MYO3A: variants seen among roughly 807,000 people sequenced by gnomAD.
MYO3A encodes myosin IIIA, also known as myosin-IIIa.
Under a neutral mutation model 192.7 loss-of-function variants are expected in MYO3A, and 180 were observed. The ratio of observed to expected loss-of-function variants is 0.93; its 90% CI spans 0.83 to 1.06. The LOEUF is 1.06. MYO3A is among the 50% of genes least tolerant of loss of function. The pLI is 0.00. For synonymous variants in MYO3A, 628 were observed against 645.3 expected, an observed-to-expected ratio of 0.97 and a Z score of 0.41; for missense variants, 1,896 against 1,905.0, an observed-to-expected ratio of 1.00 and a Z score of 0.09.
At chr10:25,958,125 T>TA (rs1176668903) in intron 4 of MYO3A, among the ~76,000 whole-genome samples, 2 of 152,088 alleles carry the variant, frequency 1.3e-5, no homozygotes, top group African/African-American at 4.8e-5. Context: ...CTTTTGTTGG[T>TA]ATTGCTTTTG....
intron 6 of MYO3A, among the ~76,000 whole-genome samples, chr10:26,007,924 A>T (rs1841343929): frequency 6.6e-6 from 1 of 152,134 alleles, no homozygotes; most frequent in East Asian, 1.9e-4. Context: ...TGCATCGCTA[A>T]GTCAATCCTA....
chr10:26,029,999 A>G (rs1842734453), intron 10 of MYO3A, among the ~76,000 whole-genome samples: 1 of 152,166 alleles, frequency 6.6e-6, no homozygotes, highest in South Asian at 2.1e-4. Context: ...TTGCTGAGCC[A>G]GTGGGAAGTA....
In MYO3A at chr10:26,166,491, T is replaced by C. The variant is rs534543382; in HGVS notation, c.3111+313T>C. 7.2e-5 allele frequency among the ~76,000 whole-genome samples: 11 copies of C among 152,244 alleles called. No homozygotes were observed. In the South Asian group the frequency reaches 2.3e-3, roughly 32 times the overall value. On this transcript the variant is annotated intron_variant, in intron 27 of 34. Transcript: ENST00000642920. ...CAGGAGTTCAAGGCTGCAATAGCTA[T>C]GATCACACCACTGCACTCCAGCCTA...
At chr10:26,024,115 C>G in intron 9 of MYO3A, 28 bp downstream of exon 9, 1 of 1,567,640 alleles carries the variant, frequency 6.4e-7, no homozygotes, top group East Asian at 2.2e-5. Context: ...TTTAAAAAAC[C>G]AAAGATATTC....
chr10:26,193,253 C>G lies in MYO3A; in HGVS notation c.4487C>G (p.Pro1496Arg), dbSNP rs767604879. The change falls in exon 32 of 35, where the codon CCC (proline) becomes CGC (arginine). Residue 1496 changes from proline to arginine, a missense_variant. Coordinates refer to ENST00000642920, the MANE Select transcript of MYO3A (RefSeq NM_017433.5). ...EPKILRPPRR[P>R]RKPKTLNNPE... ...AAAATATTGAGACCCCCAAGACGAC[C>G]CCGGAAACCCAAAACATTAAATAAC... is the stretch of plus-strand genomic sequence containing the variant. The G allele has an allele frequency of 6.2e-7, 1 of 1,613,912 alleles. No homozygotes were observed. The highest frequency in any genetic ancestry group is 8.5e-7 in the Non-Finnish European group (1 of 1,179,940).
intron 10 of MYO3A, among the ~76,000 whole-genome samples, chr10:26,036,518 G>A (rs530139628): frequency 6.6e-6 from 1 of 152,262 alleles, no homozygotes; most frequent in Admixed American, 6.5e-5. Context: ...TGAAAAAAAG[G>A]CCTGGACCAT....
At chr10:25,948,138 G>A (rs1836978243) in intron 2 of MYO3A, among the ~76,000 whole-genome samples, 1 of 152,146 alleles carries the variant, frequency 6.6e-6, no homozygotes, top group Non-Finnish European at 1.5e-5. Flanking sequence ...AATATCTGGA[G>A]AAAGAGCATT....
At chr10:26,011,443 T>TA (rs989620587) in intron 6 of MYO3A, among the ~76,000 whole-genome samples, 20 of 150,756 alleles carry the variant, frequency 1.3e-4, no homozygotes, top group African/African-American at 2.2e-4. Context: ...TAAAAAAGTT[T>TA]AAAAAAAAAG....
intron 10 of MYO3A, among the ~76,000 whole-genome samples, chr10:26,043,427 A>C (rs114687751): frequency 0.015 from 2,269 of 151,760 alleles, 69 homozygotes; most frequent in African/African-American, 0.052. Context: ...GGCCCTGGGT[A>C]GGTCCAGAGA....
intron 32 of MYO3A, among the ~76,000 whole-genome samples, chr10:26,196,684 T>C (rs16926664): frequency 0.053 from 8,059 of 152,320 alleles, 665 homozygotes; most frequent in African/African-American, 0.18. Context: ...TAATTTTAAA[T>C]GGTTTTCATG....
rs369535329 is a variant in MYO3A at position 26,166,184 on chromosome 10, G to A, written c.3111+6G>A. ...GGGCTCTTGGAAAAACAAAAGTAAT[G>A]TTTTCATGTAATTTTCAGGAAAATA... On this transcript the variant is annotated splice_donor_region_variant and intron_variant, in intron 27 of 34. Transcript: ENST00000642920. The A allele has an allele frequency of 1.6e-5, 26 of 1,589,014 alleles. No individual in the cohort carries two copies. The African/African-American group carries it at 3.4e-4, about 21-fold the overall frequency.
intron 31 of MYO3A, among the ~76,000 whole-genome samples, chr10:26,182,819 A>G (rs1162894623): frequency 6.6e-6 from 1 of 152,218 alleles, no homozygotes; most frequent in East Asian, 1.9e-4. Flanking sequence ...ACGTGCTCAC[A>G]GTGTTCCGCA....
At chr10:25,967,831 A>G (rs142846373) in intron 4 of MYO3A, among the ~76,000 whole-genome samples, 8 of 152,354 alleles carry the variant, frequency 5.3e-5, no homozygotes, top group Admixed American at 5.2e-4. Context: ...GTTTAACAGC[A>G]CAATAGGCAT....
intron 10 of MYO3A, among the ~76,000 whole-genome samples, chr10:26,051,140 G>A (rs1398148420): frequency 6.6e-6 from 1 of 152,082 alleles, no homozygotes; most frequent in Non-Finnish European, 1.5e-5. Flanking sequence ...TATTTCTAGA[G>A]ATATTCTATT....
intron 4 of MYO3A, among the ~76,000 whole-genome samples, chr10:25,994,893 G>C (rs1372280646): frequency 1.3e-5 from 2 of 152,158 alleles, no homozygotes; most frequent in Non-Finnish European, 2.9e-5. Context: ...TTAGTCTGAT[G>C]GGCTTCCCTT....
rs188997876 is a variant in MYO3A, at chr10:26,007,471, A to G, written c.509-9349A>G. 5.2e-4 allele frequency among the ~76,000 whole-genome samples: 79 copies of G among 151,426 alleles called. No individual in the cohort carries two copies. In the East Asian group the frequency reaches 0.015, roughly 29 times the overall value. On this transcript the variant is annotated intron_variant, in intron 6 of 34. Transcript: ENST00000642920. ...CTGTTTGCAGATGACATGATTGTAT[A>G]TCTAGAAAACCCCATCGTCTCAGCT...
chr10:26,097,658 T>C (rs555610713), intron 17 of MYO3A, among the ~76,000 whole-genome samples: 14 of 152,246 alleles, frequency 9.2e-5, no homozygotes, highest in Admixed American at 2.6e-4. Flanking sequence ...GTCCTTGTGA[T>C]AGTTTGCTGA....
intron 20 of MYO3A, among the ~76,000 whole-genome samples, chr10:26,137,368 A>C (rs147285111): frequency 6.6e-6 from 1 of 152,320 alleles, no homozygotes; most frequent in African/African-American, 2.4e-5. Flanking sequence ...TTTCATAGAC[A>C]TTTACTAGTT....
chr10:26,084,916 G>A (rs1275565292), intron 14 of MYO3A, among the ~76,000 whole-genome samples: 1 of 152,142 alleles, frequency 6.6e-6, no homozygotes, highest in South Asian at 2.1e-4. Flanking sequence ...TTGTTGGGAG[G>A]TTTTGATTAC....
Sources: gnomAD v4.1 joint callset for allele counts (sites outside exome capture counted in the v4.1 genomes callset) on GRCh38, gnomAD v4.1.1 for gene constraint, MANE v1.5 for transcripts, NCBI Gene and HGNC (gene_info 2026-07-23, HGNC 2026-07-21) for gene names.